Variants in KMT2C observed in about 807,000 individuals in gnomAD.
KMT2C encodes histone-lysine N-methyltransferase 2C.
A neutral mutation model predicts 507.9 loss-of-function variants in KMT2C; 88 were observed. The observed-to-expected ratio is 0.17, with a 90% CI of 0.15 to 0.21. The LOEUF (loss-of-function observed/expected upper bound fraction) is 0.21. KMT2C is among the 10% of genes least tolerant of loss of function. The pLI is 1.00. For missense variants in KMT2C, 4,954 were observed against 5,957.8 expected (o/e 0.83, Z 5.55); for synonymous variants, 2,049 against 2,080.8 (o/e 0.98, Z 0.42).
chr7:152,409,105 C>T (rs1181322950), intron 1 of KMT2C, among the ~76,000 whole-genome samples: 1 of 151,832 alleles, frequency 6.6e-6, no homozygotes, highest in Non-Finnish European at 1.5e-5. Context: ...CGGAGCTCAA[C>T]CTGATCCTTC....
intron 1 of KMT2C, among the ~76,000 whole-genome samples, chr7:152,360,066 A>AG (rs1232590298): frequency 4.4e-5 from 1 of 22,866 alleles, no homozygotes; most frequent in Non-Finnish European, 7.0e-5. Flanking sequence ...AACAAAAAAA[A>AG]GGGGGGTGGG....
intron 2 of KMT2C, among the ~76,000 whole-genome samples, chr7:152,331,008 A>T (rs915420728): frequency 6.6e-6 from 1 of 152,160 alleles, no homozygotes; most frequent in African/African-American, 2.4e-5. Flanking sequence ...CATCCTAGTA[A>T]TAAATGTTAA....
chr7:152,138,535 T>G lies in KMT2C; in HGVS notation c.14643+261A>C. 1 of 349,694 alleles carries G rather than the reference T, an allele frequency of 2.9e-6. No homozygotes were observed. The highest frequency in any genetic ancestry group is 5.2e-6 in the Non-Finnish European group (1 of 190,982). 21.7% of individuals were successfully genotyped at this position (349,694 alleles called of 1,614,324 possible). A position where few individuals can be genotyped will look rare whatever the true frequency, so the allele number is the denominator to read the frequency against. ...GCACACAGAAATGATACCACCTGGGTGCCATGGGGATGCTGAACCCGTGGC... is the reference window on the plus strand; with the variant it reads ...GCACACAGAAATGATACCACCTGGGGGCCATGGGGATGCTGAACCCGTGGC... On this transcript the variant is annotated intron_variant, in intron 58 of 58. Transcript: ENST00000262189. This position sits in a 1 kb window ranked among gnomAD's most constrained non-coding sequence, Gnocchi z 4.2.
rs1037924090 is a variant in KMT2C at position 152,162,816 on chromosome 7, T to C, written c.10761A>G (p.Gln3587=). The change falls in exon 43 of 59, where the codon CAA becomes CAG. Residue 3587 remains glutamine, a synonymous_variant. Transcript: ENST00000262189. Reference sequence around the variant, plus strand: ...TATCAGAATACAACTGAATGAGCGATTGGGTTGATCCCGGATAACTGTGTC... The same window carrying C: ...TATCAGAATACAACTGAATGAGCGACTGGGTTGATCCCGGATAACTGTGTC... ...THGHSYPGST[Q]SLIQLYSDII... is the part of the protein sequence containing the mutation. The C allele has an allele frequency of 4.2e-5, 67 of 1,614,100 alleles. No individual in the cohort carries two copies. The East Asian group carries it at 1.3e-3, about 32-fold the overall frequency.
intron 7 of KMT2C, among the ~76,000 whole-genome samples, chr7:152,271,470 G>C (rs574457470): frequency 6.6e-6 from 1 of 151,858 alleles, no homozygotes; most frequent in East Asian, 1.9e-4. Context: ...TCAGGAGTTC[G>C]AGACGAATCT....
chr7:152,308,893 T>C (rs777328850), intron 6 of KMT2C, among the ~76,000 whole-genome samples: 5 of 152,020 alleles, frequency 3.3e-5, no homozygotes, highest in African/African-American at 7.2e-5. Flanking sequence ...TTCACAGAGT[T>C]TGCTGTCTTT....
intron 6 of KMT2C, among the ~76,000 whole-genome samples, chr7:152,290,220 A>ATATGTGTGTG (rs1554617001): frequency 3.5e-4 from 30 of 86,288 alleles, no homozygotes; most frequent in African/African-American, 1.4e-3. Context: ...TTATATATAT[A>ATATGTGTGTG]TGTGTGTGTG....
At chr7:152,139,381 T>G in intron 56 of KMT2C, 122 bp from the exon 57 acceptor site, 3 of 833,244 alleles carry the variant, frequency 3.6e-6, no homozygotes, top group Admixed American at 4.1e-5. Context: ...ATCCTTACTG[T>G]GGATATTCTA....
At chr7:152,272,185 T>C (rs1035197447) in intron 7 of KMT2C, among the ~76,000 whole-genome samples, 1 of 152,230 alleles carries the variant, frequency 6.6e-6, no homozygotes, top group Non-Finnish European at 1.5e-5. Context: ...CCTTTCATTA[T>C]ATACATGATC....
intron 43 of KMT2C, among the ~76,000 whole-genome samples, 172 bp from the exon 44 acceptor site, chr7:152,159,244 T>C (rs939406265): frequency 6.6e-6 from 1 of 152,218 alleles, no homozygotes; most frequent in African/African-American, 2.4e-5. Context: ...CATCCTTTTC[T>C]TCAAACGTTA....
rs1324087111 is a variant in KMT2C, at chr7:152,163,557, A to T, written c.10020T>A (p.Ala3340=). The stretch of plus-strand genomic sequence containing the variant: ...GAGGATTGAGGGGCAGGTGGGCAGG[A>T]GCACTGTTGGGTTGCCATCCAGGTA... ...PSLPGWQPNS[A]PAHLPLNPPR... The change falls in exon 43 of 59, where the codon GCT becomes GCA. Residue 3340 remains alanine, a synonymous_variant. Coordinates refer to ENST00000262189, the MANE Select transcript of KMT2C (RefSeq NM_170606.3). The T allele has an allele frequency of 1.2e-6, 2 of 1,608,816 alleles. No homozygotes were observed. Among genetic ancestry groups the T allele is most frequent in the Non-Finnish European group, 8.5e-7 (1 of 1,176,662 alleles).
At position 152,388,507 on chromosome 7, in the gene KMT2C, G is replaced by A. The variant is rs575285984; in HGVS notation, c.162-29832C>T. 7.2e-5 allele frequency among the ~76,000 whole-genome samples: 11 copies of A among 152,188 alleles called. No homozygotes were observed. The South Asian group carries it at 1.5e-3, about 20-fold the overall frequency. ...CCGGGAGGCGGAGGTTGCGTAAGCC[G>A]AGATTGTGGCACCGCACTCCAGCCT... is the stretch of plus-strand genomic sequence containing the variant. On this transcript the variant is annotated intron_variant, in intron 1 of 58. Coordinates refer to ENST00000262189, the MANE Select transcript of KMT2C (RefSeq NM_170606.3).
At chr7:152,261,950 C>G (rs1377943349) in intron 9 of KMT2C, among the ~76,000 whole-genome samples, 3 of 152,144 alleles carry the variant, frequency 2.0e-5, no homozygotes, top group Admixed American at 6.5e-5. Context: ...CAGCTGAGCA[C>G]AGTTACCCAG....
intron 14 of KMT2C, among the ~76,000 whole-genome samples, chr7:152,246,095 T>C (rs1279357728): frequency 6.6e-6 from 1 of 152,166 alleles, no homozygotes; most frequent in Admixed American, 6.5e-5. Flanking sequence ...TCCTGCTAAC[T>C]GTAGAATATT....
intron 7 of KMT2C, among the ~76,000 whole-genome samples, chr7:152,273,352 G>A (rs1336550799): frequency 6.6e-6 from 1 of 152,048 alleles, no homozygotes; most frequent in Non-Finnish European, 1.5e-5. Context: ...TCAACTGGAT[G>A]GCTTTTTAGT....
intron 1 of KMT2C, among the ~76,000 whole-genome samples, chr7:152,364,464 G>A (rs1268648497): frequency 6.6e-6 from 1 of 151,702 alleles, no homozygotes; most frequent in Non-Finnish European, 1.5e-5. Flanking sequence ...AAAATTAGCC[G>A]GGCGCGTGGT....
intron 44 of KMT2C, chr7:152,157,987 T>G: frequency 1.7e-6 from 2 of 1,172,774 alleles, no homozygotes; most frequent in South Asian, 1.4e-5. Flanking sequence ...TAGCTCAACT[T>G]TCTAAGACCC....
rs1491309235 is a variant in KMT2C, at chr7:152,178,015, T to TTAAAAAA, written c.7443-6_7443-5insTTTTTTA. 7.7e-4 allele frequency: 621 copies of TTAAAAAA among 809,894 alleles called. 5 individuals are homozygous for TTAAAAAA. The highest frequency in any genetic ancestry group is 4.8e-3 in the Admixed American group (55 of 11,528). The allele number at this position is 809,894 out of a possible 1,614,324, so 50.2% of individuals were successfully genotyped here. ...CTACCTCCTGGAAATCCAAATCTTT[T>TTAAAAAA]AAAAAAAAAAAAAAAAAAAAAAAAA... On this transcript the variant is annotated splice_polypyrimidine_tract_variant and splice_region_variant and intron_variant, in intron 37 of 58. Coordinates refer to ENST00000262189, the MANE Select transcript of KMT2C (RefSeq NM_170606.3).
intron 27 of KMT2C, among the ~76,000 whole-genome samples, chr7:152,196,429 G>A (rs181402906): frequency 7.0e-6 from 1 of 143,718 alleles, no homozygotes; most frequent in African/African-American, 3.0e-5. Context: ...TCCATATGGA[G>A]CACAAGCCAG....
Sources: allele counts gnomAD v4.1 joint callset (sites outside exome capture counted in the v4.1 genomes callset), GRCh38; gene constraint gnomAD v4.1.1; non-coding constraint Gnocchi (gnomAD v3.1); transcripts MANE v1.5; gene names NCBI Gene and HGNC (gene_info 2026-07-23, HGNC 2026-07-21).